ARHGEF38: variants seen among roughly 807,000 people sequenced by gnomAD.
The protein encoded by ARHGEF38 is Rho guanine nucleotide exchange factor 38.
ARHGEF38 carries 79 observed loss-of-function variants against 79.9 expected under a neutral mutation model. The ratio of observed to expected loss-of-function variants is 0.99; its 90% CI spans 0.82 to 1.19. The LOEUF (loss-of-function observed/expected upper bound fraction) is 1.19, where lower values mean the gene tolerates loss of function less well. ARHGEF38 is among the 50% of genes most tolerant of loss of function. The probability of loss-of-function intolerance (pLI) is 0.00; values close to 1 mark genes in which losing one functional copy is unlikely to be tolerated. For synonymous variants in ARHGEF38, 366 were observed against 328.3 expected (o/e 1.11, Z -1.24); for missense variants, 962 against 907.2 (o/e 1.06, Z -0.78).
At chr4:105,642,072 G>A (rs1044039600) in intron 5 of ARHGEF38, among the ~76,000 whole-genome samples, 1 of 152,050 alleles carries the variant, frequency 6.6e-6, no homozygotes, top group African/African-American at 2.4e-5. Context: ...TTGACTTCCT[G>A]GCTGAGATGG....
intron 3 of ARHGEF38, among the ~76,000 whole-genome samples, chr4:105,617,388 A>G (rs1728552099): frequency 6.6e-6 from 1 of 152,216 alleles, no homozygotes; most frequent in Non-Finnish European, 1.5e-5. Context: ...AATTGAAGTA[A>G]AAACTGTAGT....
rs2149173599 is a variant in ARHGEF38 at position 105,680,901 on chromosome 4, C to T, written c.*2964C>T. On this transcript the variant is annotated 3_prime_UTR_variant, in exon 14 of 14. Coordinates refer to ENST00000420470, the MANE Select transcript of ARHGEF38 (RefSeq NM_001242729.2). ...GTGCCAATGTGTGAACTGTAATAAA[C>T]ATTACTGCTTTCATTTTTTGTAGGT... 1 of 152,256 alleles carries T rather than the reference C, an allele frequency of 6.6e-6. No individual in the cohort carries two copies. The highest frequency in any genetic ancestry group is 3.4e-3 in the Middle Eastern group (1 of 294). The allele number at this position is 152,256 out of a possible 1,614,324, so 9.4% of individuals were successfully genotyped here.
At chr4:105,607,452 C>T (rs944935686) in intron 2 of ARHGEF38, among the ~76,000 whole-genome samples, 17 of 152,038 alleles carry the variant, frequency 1.1e-4, no homozygotes, top group African/African-American at 4.1e-4. Context: ...AATTTTTAAA[C>T]TTTTACTGAG....
chr4:105,655,806 C>A, intron 9 of ARHGEF38, 84 bp downstream of exon 9: 1 of 1,409,856 alleles, frequency 7.1e-7, no homozygotes, highest in Non-Finnish European at 9.4e-7. Context: ...TTTCTGGAGT[C>A]AGAAATAAAA....
rs376428065 is a variant in ARHGEF38 at position 105,591,860 on chromosome 4, T to C, written c.384+2425T>C. On this transcript the variant is annotated intron_variant, in intron 2 of 13. Transcript: ENST00000420470. The stretch of plus-strand genomic sequence containing the variant: ...GATGTAAGAGTAGAAGTAATATTGA[T>C]GGTCGTGATAAAAATTTGCTCTTTA... Among the ~76,000 whole-genome samples, 3 of 152,336 alleles carry C rather than the reference T, an allele frequency of 2.0e-5. No individual in the cohort carries two copies. In the South Asian group the frequency reaches 6.2e-4, roughly 32 times the overall value.
At chr4:105,648,526 G>A (rs930017467) in intron 6 of ARHGEF38, 23 bp from the exon 7 acceptor site, 7 of 1,482,468 alleles carry the variant, frequency 4.7e-6, no homozygotes, top group East Asian at 4.9e-5. Context: ...GTTCAGCTAC[G>A]TTATTACATT....
intron 1 of ARHGEF38, among the ~76,000 whole-genome samples, chr4:105,553,811 T>C (rs976856068): frequency 2.0e-5 from 3 of 152,146 alleles, no homozygotes; most frequent in Non-Finnish European, 2.9e-5. Flanking sequence ...AGAACTTGCC[T>C]CTCCTGCTTT....
intron 5 of ARHGEF38, 65 bp from the exon 6 acceptor site, chr4:105,645,123 C>A (rs537062567): frequency 1.4e-5 from 16 of 1,150,060 alleles, no homozygotes; most frequent in Middle Eastern, 2.1e-4. Context: ...TAAAAACACA[C>A]AAAAATGAAA....
In ARHGEF38 at chr4:105,678,988, T is replaced by C. The variant is rs1394657383; in HGVS notation, c.*1051T>C. ...TCAACAATGATGACCTAATTTTTGA[T>C]CCATAATGTAAGATTAGGTAGAAAT... On this transcript the variant is annotated 3_prime_UTR_variant, in exon 14 of 14. Transcript: ENST00000420470. 3.6e-6 allele frequency: 1 copy of C among 274,578 alleles called. No individual in the cohort carries two copies. Among genetic ancestry groups the C allele is most frequent in the African/African-American group, 2.3e-5 (1 of 44,444 alleles). The allele number at this position is 274,578 out of a possible 1,614,324, so 17.0% of individuals were successfully genotyped here.
intron 4 of ARHGEF38, among the ~76,000 whole-genome samples, chr4:105,633,607 C>T (rs192954501): frequency 1.5e-4 from 23 of 152,080 alleles, no homozygotes; most frequent in Admixed American, 1.4e-3. Flanking sequence ...GCAATATCCA[C>T]GAGAGAGGTG....
intron 13 of ARHGEF38, among the ~76,000 whole-genome samples, chr4:105,668,358 T>G (rs1181493478): frequency 1.3e-5 from 2 of 151,962 alleles, no homozygotes; most frequent in African/African-American, 4.8e-5. Context: ...ATTTTTGTAT[T>G]TTTAGTAGAG....
intron 1 of ARHGEF38, among the ~76,000 whole-genome samples, chr4:105,557,923 C>T (rs944627095): frequency 1.3e-5 from 2 of 152,096 alleles, no homozygotes; most frequent in African/African-American, 4.8e-5. Flanking sequence ...TTTTGTTTAT[C>T]CAACACCAGG....
intron 3 of ARHGEF38, among the ~76,000 whole-genome samples, chr4:105,625,921 G>T (rs1317499460): frequency 1.3e-5 from 2 of 151,998 alleles, no homozygotes; most frequent in African/African-American, 2.4e-5. Context: ...GCCTTCTCAG[G>T]CTTCTCTGCA....
At chr4:105,644,847 T>C (rs1310017383) in intron 5 of ARHGEF38, among the ~76,000 whole-genome samples, 1 of 152,220 alleles carries the variant, frequency 6.6e-6, no homozygotes, top group African/African-American at 2.4e-5. Flanking sequence ...CATTTTTCTT[T>C]GTTGTCATGG....
intron 3 of ARHGEF38, among the ~76,000 whole-genome samples, chr4:105,622,691 T>C (rs533753198): frequency 6.6e-6 from 1 of 152,300 alleles, no homozygotes; most frequent in Non-Finnish European, 1.5e-5. Context: ...TTCACAATGC[T>C]CAGCATGTGG....
At chr4:105,672,085 C>A (rs554678821) in intron 13 of ARHGEF38, among the ~76,000 whole-genome samples, 1 of 152,064 alleles carries the variant, frequency 6.6e-6, no homozygotes, top group South Asian at 2.1e-4. Flanking sequence ...TCTAGTGGCT[C>A]TGTGATTTTT....
At chr4:105,596,899 T>C (rs1435769170) in intron 2 of ARHGEF38, among the ~76,000 whole-genome samples, 1 of 152,206 alleles carries the variant, frequency 6.6e-6, no homozygotes, top group Non-Finnish European at 1.5e-5. Flanking sequence ...CCAGAAATTA[T>C]ACAGTGCATA....
intron 1 of ARHGEF38, among the ~76,000 whole-genome samples, chr4:105,575,013 TACACACACAC>T (rs3056772): frequency 4.7e-5 from 7 of 149,408 alleles, no homozygotes; most frequent in African/African-American, 1.5e-4. Flanking sequence ...CACACATATA[TACACACACAC>T]ACACACACAC....
intron 1 of ARHGEF38, among the ~76,000 whole-genome samples, chr4:105,561,000 A>C (rs773791886): frequency 3.9e-5 from 6 of 152,196 alleles, no homozygotes; most frequent in Admixed American, 3.9e-4. Context: ...GATAAAAACA[A>C]GCAATTTACT....
Sources: allele counts gnomAD v4.1 joint callset (sites outside exome capture counted in the v4.1 genomes callset), GRCh38; gene constraint gnomAD v4.1.1; transcripts MANE v1.5; gene names NCBI Gene and HGNC (gene_info 2026-07-23, HGNC 2026-07-21).